Variants in SETBP1 observed in about 807,000 individuals in gnomAD.
The protein encoded by SETBP1 is SET binding protein 1, also known as SET-binding protein.
SETBP1 carries 9 observed loss-of-function variants against 101.0 expected under a neutral mutation model. The observed-to-expected ratio is 0.09, with a 90% CI of 0.05 to 0.16. The LOEUF is 0.16. SETBP1 is among the 10% of genes least tolerant of loss of function. The pLI is 1.00. For missense variants in SETBP1, 1,858 were observed against 2,033.8 expected, an observed-to-expected ratio of 0.91 and a Z score of 1.66; for synonymous variants, 818 against 788.5, an observed-to-expected ratio of 1.04 and a Z score of -0.63.
intron 5 of SETBP1, among the ~76,000 whole-genome samples, chr18:45,054,968 A>C (rs2073784306): frequency 6.6e-6 from 1 of 152,214 alleles, no homozygotes; most frequent in Non-Finnish European, 1.5e-5. Flanking sequence ...AATTGCATGC[A>C]ACTCAATTAA....
At chr18:44,905,440 T>A (rs1170676740) in intron 3 of SETBP1, among the ~76,000 whole-genome samples, 1 of 152,206 alleles carries the variant, frequency 6.6e-6, no homozygotes, top group Non-Finnish European at 1.5e-5. Flanking sequence ...TATACACAGC[T>A]CCTAGCACTA....
intron 4 of SETBP1, among the ~76,000 whole-genome samples, chr18:45,023,771 G>A (rs576853687): frequency 1.3e-5 from 2 of 152,254 alleles, no homozygotes; most frequent in East Asian, 3.9e-4. Flanking sequence ...TTCCTGGCTA[G>A]CCTGTTCTGA....
chr18:44,780,981 A>G (rs1053427454), intron 2 of SETBP1, among the ~76,000 whole-genome samples: 4 of 152,132 alleles, frequency 2.6e-5, no homozygotes, highest in African/African-American at 9.7e-5. Flanking sequence ...AGCTTATTCA[A>G]ATGACCCTAA....
intron 2 of SETBP1, among the ~76,000 whole-genome samples, chr18:44,804,204 G>A (rs2071676938): frequency 6.6e-6 from 1 of 152,108 alleles, no homozygotes; most frequent in Middle Eastern, 3.2e-3. Flanking sequence ...GATATAGTGT[G>A]TGCATGGTTG....
intron 2 of SETBP1, among the ~76,000 whole-genome samples, chr18:44,772,562 A>G (rs889592564): frequency 3.3e-5 from 5 of 152,158 alleles, no homozygotes; most frequent in African/African-American, 1.2e-4. Flanking sequence ...GCGTAACCCC[A>G]GGGCTAAAGG....
intron 4 of SETBP1, among the ~76,000 whole-genome samples, chr18:45,026,637 C>T (rs1003755097): frequency 3.9e-5 from 6 of 152,174 alleles, no homozygotes; most frequent in African/African-American, 4.8e-5. Context: ...CTTACATGCA[C>T]GCATTGGTTT....
intron 5 of SETBP1, among the ~76,000 whole-genome samples, chr18:45,049,155 G>A (rs2073678988): frequency 6.6e-6 from 1 of 152,138 alleles, no homozygotes; most frequent in Non-Finnish European, 1.5e-5. Context: ...CAATTGGTTG[G>A]TCATGAATTT....
intron 2 of SETBP1, among the ~76,000 whole-genome samples, chr18:44,843,154 A>G (rs1292565508): frequency 6.6e-6 from 1 of 152,142 alleles, no homozygotes; most frequent in Non-Finnish European, 1.5e-5. Context: ...GGGAAGGAGG[A>G]TGATGAGCAG....
intron 2 of SETBP1, among the ~76,000 whole-genome samples, chr18:44,739,792 C>T (rs191863676): frequency 4.6e-4 from 70 of 152,338 alleles, no homozygotes; most frequent in African/African-American, 1.7e-3. Flanking sequence ...TGTGTCTTGG[C>T]AGATGTCTGA....
chr18:44,813,278 A>G (rs2071902982), intron 2 of SETBP1, among the ~76,000 whole-genome samples: 1 of 152,094 alleles, frequency 6.6e-6, no homozygotes, highest in Admixed American at 6.5e-5. Context: ...GCTCCTCCCC[A>G]TGTTTTTACA....
Position 44,881,755 on chromosome 18 carries a change from C to A in SETBP1, c.540+12472C>A, listed in dbSNP as rs531683919. On this transcript the variant is annotated intron_variant, in intron 3 of 5. Coordinates refer to ENST00000649279, the MANE Select transcript of SETBP1 (RefSeq NM_015559.3). ...ATTATCTTTGAGATGGAGGCAGGGGCAGGCTGGACCCAGTGCCCCCGCCCC... is the reference window on the plus strand; with the variant it reads ...ATTATCTTTGAGATGGAGGCAGGGGAAGGCTGGACCCAGTGCCCCCGCCCC... Among the ~76,000 whole-genome samples, 37 of 152,304 alleles carry A rather than the reference C, an allele frequency of 2.4e-4. No individual in the cohort carries two copies. In the South Asian group the frequency reaches 7.2e-3, roughly 30 times the overall value.
intron 2 of SETBP1, among the ~76,000 whole-genome samples, chr18:44,804,167 G>A (rs886187541): frequency 2.6e-5 from 4 of 152,104 alleles, no homozygotes; most frequent in African/African-American, 9.7e-5. Flanking sequence ...AATTGAACAA[G>A]TTAATCTCTT....
Position 44,802,490 on chromosome 18 carries a change from T to C in SETBP1, c.487-66740T>C, listed in dbSNP as rs535241532. Among the ~76,000 whole-genome samples, 3 of 152,302 alleles carry C rather than the reference T, an allele frequency of 2.0e-5. No homozygotes were observed. The South Asian group carries it at 6.2e-4, about 32-fold the overall frequency. On this transcript the variant is annotated intron_variant, in intron 2 of 5. Coordinates refer to ENST00000649279, the MANE Select transcript of SETBP1 (RefSeq NM_015559.3). The stretch of plus-strand genomic sequence containing the variant: ...ATTCAACTGGAATGCTCTCTTTCCT[T>C]GTCAGTACCCCATTCATTCTTCAAG...
At chr18:44,829,303 G>T (rs2072307054) in intron 2 of SETBP1, among the ~76,000 whole-genome samples, 1 of 152,180 alleles carries the variant, frequency 6.6e-6, no homozygotes, top group African/African-American at 2.4e-5. Flanking sequence ...TTACTGATCT[G>T]CCCTATTGCA....
intron 2 of SETBP1, among the ~76,000 whole-genome samples, chr18:44,829,363 G>A (rs191260910): frequency 6.6e-5 from 10 of 152,298 alleles, no homozygotes; most frequent in African/African-American, 2.4e-4. Context: ...CTATTGAAAA[G>A]ACGAAATTTT....
intron 3 of SETBP1, among the ~76,000 whole-genome samples, chr18:44,930,895 G>C (rs539496906): frequency 6.6e-6 from 1 of 151,732 alleles, no homozygotes; most frequent in Non-Finnish European, 1.5e-5. Context: ...ACTGCTCCTG[G>C]ATTCATTGAT....
chr18:44,944,307 A>G (rs1454767697), intron 3 of SETBP1, among the ~76,000 whole-genome samples: 9 of 152,220 alleles, frequency 5.9e-5, no homozygotes. Context: ...TAACAGGCCT[A>G]TGGTGGTTGG....
intron 3 of SETBP1, among the ~76,000 whole-genome samples, chr18:44,916,334 C>T (rs915552877): frequency 1.3e-5 from 2 of 152,186 alleles, no homozygotes; most frequent in Non-Finnish European, 2.9e-5. Context: ...TTCCGATTTT[C>T]AGGCTGGCTG....
chr18:45,008,867 G>C lies in SETBP1; in HGVS notation c.4001-29618G>C, dbSNP rs367970135. On this transcript the variant is annotated intron_variant, in intron 4 of 5. Transcript: ENST00000649279. ...GCACTCTCTCTGCTGTCTAGGTTGG[G>C]TTTGAAGCTGATGAGTGTTTAGGAC... 3.5e-4 allele frequency among the ~76,000 whole-genome samples: 53 copies of C among 152,320 alleles called. 1 individual carries two copies. The highest frequency in any genetic ancestry group is 1.7e-3 in the East Asian group (9 of 5,168).
Sources: gnomAD v4.1 joint callset for allele counts (sites outside exome capture counted in the v4.1 genomes callset) on GRCh38, gnomAD v4.1.1 for gene constraint, MANE v1.5 for transcripts, NCBI Gene and HGNC (gene_info 2026-07-23, HGNC 2026-07-21) for gene names.